The following FGF12 variants were observed in gnomAD, a reference collection of about 807,000 sequenced individuals.
FGF12 encodes the protein fibroblast growth factor 12B.
FGF12 carries 14 observed loss-of-function variants against 23.6 expected under a neutral mutation model. That is an observed-to-expected ratio of 0.59 (90% confidence interval 0.39 to 0.93). The LOEUF (loss-of-function observed/expected upper bound fraction) is 0.93, where lower values mean the gene tolerates loss of function less well. FGF12 is among the 40% of genes least tolerant of loss of function. The probability of loss-of-function intolerance (pLI) is 0.00; values close to 1 mark genes in which losing one functional copy is unlikely to be tolerated. For missense variants in FGF12, 175 were observed against 217.8 expected, an observed-to-expected ratio of 0.80 and a Z score of 1.24; for synonymous variants, 62 against 77.3, an observed-to-expected ratio of 0.80 and a Z score of 1.04.
chr3:192,230,571 G>A (rs1718965704), intron 4 of FGF12, among the ~76,000 whole-genome samples: 1 of 151,986 alleles, frequency 6.6e-6, no homozygotes, highest in African/African-American at 2.4e-5. Flanking sequence ...GAAATTCTCA[G>A]AAACATTAAT....
rs1469887523 is a variant in FGF12, at chr3:192,373,485, TC to T, written c.14-12948del. On this transcript the variant is annotated intron_variant, in intron 2 of 5. Transcript: ENST00000445105. ...GGAGAAAACATTTTTAATAGATATA[TC>T]TTTTACCACTGTAAATCAATGAAGA... Among the ~76,000 whole-genome samples, 6 of 152,280 alleles carry T rather than the reference TC, an allele frequency of 3.9e-5. No individual in the cohort carries two copies. In the East Asian group the frequency reaches 1.2e-3, roughly 29 times the overall value.
chr3:192,509,083 GA>G (rs1304106564), intron 2 of FGF12, among the ~76,000 whole-genome samples: 1 of 151,738 alleles, frequency 6.6e-6, no homozygotes, highest in Non-Finnish European at 1.5e-5. Flanking sequence ...TGCTAAATTG[GA>G]AAATGGCAAT....
intron 4 of FGF12, among the ~76,000 whole-genome samples, chr3:192,227,726 C>A (rs534284935): frequency 6.6e-6 from 1 of 152,000 alleles, no homozygotes; most frequent in Non-Finnish European, 1.5e-5. Flanking sequence ...TCACTCCCAA[C>A]GAACCATCAT....
At position 192,406,086 on chromosome 3, in the gene FGF12, C is replaced by T. The variant is rs143033313; in HGVS notation, c.14-45548G>A. 1.1e-3 allele frequency among the ~76,000 whole-genome samples: 168 copies of T among 151,308 alleles called. 2 individuals are homozygous for T. The highest frequency in any genetic ancestry group is 3.9e-3 in the African/African-American group (159 of 41,264). ...AGAACAAAAAGGGAGGCAAATTAAA[C>T]GAACACTGAAGAAAACAATAAACTC... On this transcript the variant is annotated intron_variant, in intron 2 of 5. Transcript: ENST00000445105.
chr3:192,725,660 AC>A (rs1719188757), intron 2 of FGF12, among the ~76,000 whole-genome samples: 1 of 152,332 alleles, frequency 6.6e-6, no homozygotes, highest in Non-Finnish European at 1.5e-5. Flanking sequence ...CAAAACTGTT[AC>A]CAAGAACCTT....
At chr3:192,157,045 G>A (rs1432180546) in intron 5 of FGF12, among the ~76,000 whole-genome samples, 4 of 152,290 alleles carry the variant, frequency 2.6e-5, no homozygotes, top group South Asian at 2.1e-4. Flanking sequence ...GATTTGGTGC[G>A]AGAGTGTTCC....
At chr3:192,404,346 T>C (rs1720879456) in intron 2 of FGF12, among the ~76,000 whole-genome samples, 1 of 152,172 alleles carries the variant, frequency 6.6e-6, no homozygotes, top group Non-Finnish European at 1.5e-5. Flanking sequence ...CACTCAGACA[T>C]TCAGAGATTC....
rs965898941 is a variant in FGF12 at position 192,408,737 on chromosome 3, C to A, written c.14-48199G>T. 4 of 986,624 alleles carry A rather than the reference C, an allele frequency of 4.1e-6. No individual in the cohort carries two copies. The highest frequency in any genetic ancestry group is 4.8e-6 in the Non-Finnish European group (4 of 830,992). The allele number at this position is 986,624 out of a possible 1,614,324, so 61.1% of individuals were successfully genotyped here. On this transcript the variant is annotated intron_variant, in intron 2 of 5. Transcript: ENST00000445105. This position sits in a 1 kb window ranked among gnomAD's most constrained non-coding sequence, Gnocchi z 7.3. Reference sequence around the variant, plus strand: ...TCTGGACCCAGGCGGGTAGCGCGCCCCCGGTAGAAAATACTAAAAAGTGAA... The same window carrying A: ...TCTGGACCCAGGCGGGTAGCGCGCCACCGGTAGAAAATACTAAAAAGTGAA...
chr3:192,595,606 TGA>T (rs1713809344), intron 2 of FGF12, among the ~76,000 whole-genome samples: 1 of 152,156 alleles, frequency 6.6e-6, no homozygotes. Flanking sequence ...AGGCCTGGGG[TGA>T]GACTCAAGAA....
intron 4 of FGF12, among the ~76,000 whole-genome samples, chr3:192,196,209 C>G (rs995412078): frequency 6.6e-6 from 1 of 152,146 alleles, no homozygotes; most frequent in Non-Finnish European, 1.5e-5. Context: ...TATTGCAGCA[C>G]TATTCACAAT....
intron 2 of FGF12, among the ~76,000 whole-genome samples, chr3:192,700,985 GA>G (rs1402200901): frequency 1.5e-4 from 23 of 151,942 alleles, no homozygotes; most frequent in Non-Finnish European, 8.8e-5. Flanking sequence ...ATTATGTAGA[GA>G]ATCCTCTTCC....
intron 2 of FGF12, among the ~76,000 whole-genome samples, chr3:192,695,038 G>C (rs751922596): frequency 6.6e-6 from 1 of 151,924 alleles, no homozygotes; most frequent in Non-Finnish European, 1.5e-5. Context: ...CAAAAAAAAA[G>C]ATAACTATGT....
chr3:192,577,455 A>G (rs1220938743), intron 2 of FGF12, among the ~76,000 whole-genome samples: 1 of 152,188 alleles, frequency 6.6e-6, no homozygotes, highest in Non-Finnish European at 1.5e-5. Flanking sequence ...CACAAAGGGT[A>G]TATGTAACAA....
intron 2 of FGF12, among the ~76,000 whole-genome samples, chr3:192,461,764 G>C (rs780784396): frequency 6.6e-6 from 1 of 152,206 alleles, no homozygotes; most frequent in Non-Finnish European, 1.5e-5. Context: ...CAAGGCAGGG[G>C]GATCATCTGA....
At chr3:192,172,085 G>A (rs1042495827) in intron 4 of FGF12, among the ~76,000 whole-genome samples, 1 of 152,038 alleles carries the variant, frequency 6.6e-6, no homozygotes, top group African/African-American at 2.4e-5. Flanking sequence ...GAAGAAAAAT[G>A]AGACTAAGAA....
chr3:192,613,906 A>T (rs1420927825), intron 2 of FGF12, among the ~76,000 whole-genome samples: 1 of 151,938 alleles, frequency 6.6e-6, no homozygotes, highest in Non-Finnish European at 1.5e-5. Flanking sequence ...GCCATTACAC[A>T]AAGGAATGTA....
chr3:192,221,119 C>A lies in FGF12; in HGVS notation c.229-50463G>T, dbSNP rs538771899. ...CATGGCAGCTTGCCTACCTTTGGTGCTGCTTGGATTTTACTCAAAACACAC... is the reference window on the plus strand; with the variant it reads ...CATGGCAGCTTGCCTACCTTTGGTGATGCTTGGATTTTACTCAAAACACAC... On this transcript the variant is annotated intron_variant, in intron 4 of 5. Coordinates refer to ENST00000445105, the MANE Select transcript of FGF12 (RefSeq NM_004113.6). 7.2e-5 allele frequency among the ~76,000 whole-genome samples: 11 copies of A among 152,284 alleles called. No individual in the cohort carries two copies. In the South Asian group the frequency reaches 2.1e-3, roughly 29 times the overall value.
At chr3:192,478,398 C>T (rs1723388874) in intron 2 of FGF12, among the ~76,000 whole-genome samples, 1 of 150,350 alleles carries the variant, frequency 6.7e-6, no homozygotes, top group African/African-American at 2.5e-5. Flanking sequence ...ATATATCCTC[C>T]TACTCCATAA....
intron 2 of FGF12, among the ~76,000 whole-genome samples, chr3:192,542,655 C>T (rs1271446188): frequency 6.6e-6 from 1 of 151,878 alleles, no homozygotes; most frequent in African/African-American, 2.4e-5. Flanking sequence ...GAAGGCTTTC[C>T]AAGCATTCAA....
Sources: gnomAD v4.1 joint callset for allele counts (sites outside exome capture counted in the v4.1 genomes callset) on GRCh38, gnomAD v4.1.1 for gene constraint, Gnocchi (gnomAD v3.1) non-coding constraint, MANE v1.5 for transcripts, NCBI Gene and HGNC (gene_info 2026-07-23, HGNC 2026-07-21) for gene names.